Variants in SPINK13 observed in about 807,000 individuals in gnomAD.
SPINK13 encodes the protein serine protease inhibitor Kazal-type 13.
Under a neutral mutation model 11.0 loss-of-function variants are expected in SPINK13, and 11 were observed. The observed-to-expected ratio is 1.00, with a 90% CI of 0.63 to 1.65. The LOEUF is 1.65. Ranked by LOEUF, SPINK13 falls within the 40% of genes most tolerant of loss-of-function variation. SPINK13 has a pLI of 0.00. For synonymous variants in SPINK13, 31 were observed against 35.6 expected (o/e 0.87, Z 0.46); for missense variants, 113 against 117.7 (o/e 0.96, Z 0.19).
At chr5:148,276,770 GT>G (rs1756435816) in intron 3 of SPINK13, among the ~76,000 whole-genome samples, 1 of 152,088 alleles carries the variant, frequency 6.6e-6, no homozygotes, top group Admixed American at 6.5e-5. Flanking sequence ...CTCTTTTTTG[GT>G]TCCATATGAA....
chr5:148,280,275 C>T (rs552541199), intron 3 of SPINK13, among the ~76,000 whole-genome samples: 37 of 152,234 alleles, frequency 2.4e-4, no homozygotes, highest in African/African-American at 8.4e-4. Context: ...CCTTCTGAAG[C>T]CTACTTCTGT....
intron 2 of SPINK13, among the ~76,000 whole-genome samples, chr5:148,273,747 C>A: frequency 6.6e-6 from 1 of 152,204 alleles, no homozygotes; most frequent in African/African-American, 2.4e-5. Flanking sequence ...TTTTAAATAT[C>A]ACTTAACAGT....
At chr5:148,269,987 T>C (rs1756325784) in intron 1 of SPINK13, 53 bp from the exon 2 acceptor site, 9 of 1,325,374 alleles carry the variant, frequency 6.8e-6, no homozygotes, top group East Asian at 4.6e-5. Flanking sequence ...TTCTCTCACA[T>C]TGGAAAAGCT....
chr5:148,273,355 A>C (rs1341471893), intron 2 of SPINK13, among the ~76,000 whole-genome samples: 1 of 152,096 alleles, frequency 6.6e-6, no homozygotes, highest in Non-Finnish European at 1.5e-5. Flanking sequence ...TTATGATGAA[A>C]AAGGAATTAT....
intron 3 of SPINK13, among the ~76,000 whole-genome samples, chr5:148,280,167 C>G (rs1756491720): frequency 6.6e-6 from 1 of 152,128 alleles, no homozygotes; most frequent in Admixed American, 6.5e-5. Context: ...ACTGGTTATT[C>G]TAGTTAGCAG....
intron 3 of SPINK13, among the ~76,000 whole-genome samples, chr5:148,280,528 C>G (rs533579760): frequency 6.6e-6 from 1 of 152,332 alleles, no homozygotes; most frequent in East Asian, 1.9e-4. Flanking sequence ...AGTTTGCCTT[C>G]TAACAGTCAG....
chr5:148,283,864 G>A (rs1756552895), intron 4 of SPINK13, among the ~76,000 whole-genome samples: 1 of 152,156 alleles, frequency 6.6e-6, no homozygotes, highest in Non-Finnish European at 1.5e-5. Context: ...TGCTGATAAT[G>A]CCCTGGCCTC....
chr5:148,284,043 C>T (rs1756555568), intron 4 of SPINK13, among the ~76,000 whole-genome samples: 1 of 152,166 alleles, frequency 6.6e-6, no homozygotes, highest in African/African-American at 2.4e-5. Flanking sequence ...AAGATCAGGC[C>T]TCAGATCTCC....
intron 3 of SPINK13, among the ~76,000 whole-genome samples, chr5:148,279,091 CTTTTT>C (rs746029113): frequency 1.2e-4 from 6 of 51,680 alleles, no homozygotes; most frequent in Admixed American, 4.3e-4. Flanking sequence ...GCAACCCCTG[CTTTTT>C]TTTTTTTTTT....
At chr5:148,271,717 C>T (rs1191177430) in intron 2 of SPINK13, among the ~76,000 whole-genome samples, 1 of 152,280 alleles carries the variant, frequency 6.6e-6, no homozygotes, top group South Asian at 2.1e-4. Context: ...CTCCGCCTCC[C>T]GGATTCACGC....
At chr5:148,272,869 G>A (rs531867316) in intron 2 of SPINK13, among the ~76,000 whole-genome samples, 1 of 152,140 alleles carries the variant, frequency 6.6e-6, no homozygotes, top group African/African-American at 2.4e-5. Flanking sequence ...ACTCTAATTT[G>A]TAGGCTTACA....
At chr5:148,284,185 CCTTCCCTT>C (rs149127227) in intron 4 of SPINK13, among the ~76,000 whole-genome samples, 13 of 122,932 alleles carry the variant, frequency 1.1e-4, no homozygotes, top group African/African-American at 7.5e-4. Context: ...CTCCCTCCCT[CCTTCCCTT>C]CCTTTCCTTC....
At chr5:148,280,636 C>T (rs973902604) in intron 3 of SPINK13, among the ~76,000 whole-genome samples, 1 of 152,178 alleles carries the variant, frequency 6.6e-6, no homozygotes. Context: ...AAGATTGCTG[C>T]CTGCTCCTTC....
intron 3 of SPINK13, among the ~76,000 whole-genome samples, 193 bp from the exon 4 acceptor site, chr5:148,281,911 G>A (rs1292756347): frequency 6.6e-6 from 1 of 152,212 alleles, no homozygotes; most frequent in Non-Finnish European, 1.5e-5. Flanking sequence ...TTGAAGAGAT[G>A]ATAGGATGGG....
intron 3 of SPINK13, among the ~76,000 whole-genome samples, chr5:148,275,691 C>T (rs1255058147): frequency 6.7e-6 from 1 of 150,096 alleles, no homozygotes; most frequent in African/African-American, 2.5e-5. Flanking sequence ...GACGGAGTCT[C>T]ACTCTGTCAC....
At chr5:148,279,616 C>A (rs1016260344) in intron 3 of SPINK13, among the ~76,000 whole-genome samples, 1 of 152,200 alleles carries the variant, frequency 6.6e-6, no homozygotes, top group East Asian at 1.9e-4. Context: ...CCCCCACTCT[C>A]TTCTGGCTTG....
At chr5:148,273,250 GTA>G (rs1756375873) in intron 2 of SPINK13, among the ~76,000 whole-genome samples, 1 of 151,282 alleles carries the variant, frequency 6.6e-6, no homozygotes, top group South Asian at 2.1e-4. Flanking sequence ...TTTTTAGATT[GTA>G]TATGTTTATT....
intron 3 of SPINK13, among the ~76,000 whole-genome samples, chr5:148,274,704 T>C (rs1756399313): frequency 6.6e-6 from 1 of 152,108 alleles, no homozygotes; most frequent in Non-Finnish European, 1.5e-5. Context: ...ATAATGGCAC[T>C]ACTGCACTCC....
intron 2 of SPINK13, among the ~76,000 whole-genome samples, chr5:148,271,773 C>T (rs1023635224): frequency 1.6e-4 from 24 of 152,048 alleles, no homozygotes; most frequent in Admixed American, 1.5e-3. Flanking sequence ...TACAGGCGCC[C>T]GCCACCACGC....
Sources: gnomAD v4.1 joint callset for allele counts (sites outside exome capture counted in the v4.1 genomes callset) on GRCh38, gnomAD v4.1.1 for gene constraint, MANE v1.5 for transcripts, NCBI Gene and HGNC (gene_info 2026-07-23, HGNC 2026-07-21) for gene names.